ZHX2: variants seen among roughly 807,000 people sequenced by gnomAD.
ZHX2 encodes the protein zinc fingers and homeoboxes protein 2.
In ZHX2, 6 loss-of-function variants were observed where a neutral mutation model predicts 21.9. The observed-to-expected ratio is 0.27, with a 90% CI of 0.15 to 0.54. The LOEUF is 0.54. ZHX2 is among the 20% of genes least tolerant of loss of function. The pLI is 0.95. For missense variants in ZHX2, 908 were observed against 1,090.7 expected (o/e 0.83, Z 2.36); for synonymous variants, 434 against 437.1 (o/e 0.99, Z 0.09).
At chr8:122,922,588 G>T (rs1008460114) in intron 2 of ZHX2, among the ~76,000 whole-genome samples, 1 of 152,176 alleles carries the variant, frequency 6.6e-6, no homozygotes, top group African/African-American at 2.4e-5. Context: ...TGAATAACTA[G>T]GCTCCACTTT....
intron 2 of ZHX2, among the ~76,000 whole-genome samples, chr8:122,916,763 T>C (rs937562419): frequency 6.6e-6 from 1 of 152,152 alleles, no homozygotes; most frequent in Non-Finnish European, 1.5e-5. Flanking sequence ...TAACCTTTTC[T>C]TCCAGAGCCA....
chr8:122,869,529 G>C (rs1409857797), intron 2 of ZHX2, among the ~76,000 whole-genome samples: 1 of 152,110 alleles, frequency 6.6e-6, no homozygotes, highest in African/African-American at 2.4e-5. Flanking sequence ...CGTGGGGCTG[G>C]AGAGAAGGCC....
At chr8:122,824,468 C>T (rs1387623126) in intron 1 of ZHX2, among the ~76,000 whole-genome samples, 2 of 152,192 alleles carry the variant, frequency 1.3e-5, no homozygotes, top group Non-Finnish European at 2.9e-5. Flanking sequence ...TGCTCGGGGA[C>T]GTGCTGTTCT....
At chr8:122,935,537 T>TC (rs35227690) in intron 2 of ZHX2, among the ~76,000 whole-genome samples, 2 of 13,478 alleles carry the variant, frequency 1.5e-4, no homozygotes, top group Non-Finnish European at 4.9e-4. Context: ...TGAGAGTAAC[T>TC]TTTTTTTTTT....
rs1813104536 is a variant in ZHX2, at chr8:122,951,362, CT to C, written c.-148del. 1.5e-6 allele frequency: 1 copy of C among 686,694 alleles called. No individual in the cohort carries two copies. The highest frequency in any genetic ancestry group is 2.9e-5 in the Admixed American group (1 of 33,990). The allele number at this position is 686,694 out of a possible 1,614,324, so 42.5% of individuals were successfully genotyped here. A position where few individuals can be genotyped will look rare whatever the true frequency, so the allele number is the denominator to read the frequency against. ...TTCTGTGCTGAAATCATTCTGAAAA[CT>C]CAAACAGTAGACTTCAGCACACAAG... On this transcript the variant is annotated 5_prime_UTR_variant, in exon 3 of 4. Transcript: ENST00000314393.
chr8:122,800,758 C>CAG (rs112122226), intron 1 of ZHX2, among the ~76,000 whole-genome samples: 116 of 150,132 alleles, frequency 7.7e-4, no homozygotes, highest in Middle Eastern at 7.0e-3. Context: ...AGGCGGGGGG[C>CAG]AGAGAGAGAG....
At chr8:122,963,551 A>G (rs1011378199) in intron 3 of ZHX2, among the ~76,000 whole-genome samples, 2 of 152,194 alleles carry the variant, frequency 1.3e-5, no homozygotes, top group African/African-American at 4.8e-5. Flanking sequence ...GAAGTAAGGT[A>G]ATGTGATGCC....
chr8:122,931,232 C>T (rs1352452089), intron 2 of ZHX2, among the ~76,000 whole-genome samples: 1 of 152,222 alleles, frequency 6.6e-6, no homozygotes, highest in Non-Finnish European at 1.5e-5. Context: ...GGCTCCACGC[C>T]TGGCGCCTCC....
At chr8:122,971,605 C>T (rs1273246278) in intron 3 of ZHX2, among the ~76,000 whole-genome samples, 1 of 31,872 alleles carries the variant, frequency 3.1e-5, no homozygotes, top group African/African-American at 1.4e-4. Context: ...GCTGTTGGCC[C>T]CTGTACAAAA....
chr8:122,789,513 C>G (rs1244492255), intron 1 of ZHX2, among the ~76,000 whole-genome samples: 1 of 152,232 alleles, frequency 6.6e-6, no homozygotes, highest in African/African-American at 2.4e-5. Flanking sequence ...TGCACACAGC[C>G]TGGTCAGAGC....
intron 1 of ZHX2, among the ~76,000 whole-genome samples, chr8:122,861,162 G>A (rs1301079394): frequency 1.3e-5 from 2 of 152,056 alleles, no homozygotes; most frequent in Non-Finnish European, 2.9e-5. Context: ...TGAGCCAAGA[G>A]GAAGAACGTG....
chr8:122,818,575 G>C (rs1345416107), intron 1 of ZHX2, among the ~76,000 whole-genome samples: 1 of 152,170 alleles, frequency 6.6e-6, no homozygotes, highest in Non-Finnish European at 1.5e-5. Flanking sequence ...AAATGAGGGC[G>C]TATCTATATG....
At chr8:122,855,001 A>G (rs1200998538) in intron 1 of ZHX2, among the ~76,000 whole-genome samples, 2 of 152,312 alleles carry the variant, frequency 1.3e-5, no homozygotes, top group Admixed American at 6.5e-5. Context: ...TGTTGGATAC[A>G]TATTTCCGGA....
At chr8:122,906,450 G>A (rs765743621) in intron 2 of ZHX2, among the ~76,000 whole-genome samples, 3 of 152,154 alleles carry the variant, frequency 2.0e-5, no homozygotes, top group South Asian at 2.1e-4. Flanking sequence ...ATGGGGAATC[G>A]TAGCTGCGAC....
chr8:122,827,820 A>C (rs1818295238), intron 1 of ZHX2, among the ~76,000 whole-genome samples: 1 of 152,246 alleles, frequency 6.6e-6, no homozygotes, highest in South Asian at 2.1e-4. Flanking sequence ...GACAAGATGA[A>C]ATAGAGAAGA....
chr8:122,877,532 G>A (rs984966931), intron 2 of ZHX2, among the ~76,000 whole-genome samples: 21 of 152,154 alleles, frequency 1.4e-4, no homozygotes, highest in East Asian at 3.9e-4. Context: ...GTGGGTTTGC[G>A]GAACTTGTCC....
At chr8:122,848,324 C>T (rs915590287) in intron 1 of ZHX2, among the ~76,000 whole-genome samples, 18 of 152,064 alleles carry the variant, frequency 1.2e-4, no homozygotes, top group Admixed American at 3.3e-4. Context: ...CTGAAGAAGG[C>T]GAAGAAGGCA....
In ZHX2 at chr8:122,947,946, G is replaced by A. The variant is rs796873581; in HGVS notation, c.-219-3346G>A. On this transcript the variant is annotated intron_variant, in intron 2 of 3. Transcript: ENST00000314393. ...AAGATCATGGCAGGCGGAGGCTGGA[G>A]GTGGCGGTTTGGGCATGGTCAATAA... 1.2e-4 allele frequency among the ~76,000 whole-genome samples: 19 copies of A among 152,302 alleles called. 1 individual carries two copies. Among genetic ancestry groups the A allele is most frequent in the African/African-American group, 4.6e-4 (19 of 41,574 alleles).
intron 1 of ZHX2, among the ~76,000 whole-genome samples, chr8:122,810,740 A>C (rs1817909726): frequency 6.6e-6 from 1 of 151,452 alleles, no homozygotes; most frequent in South Asian, 2.1e-4. Context: ...CAAAATGGGC[A>C]CTCCAAGGAG....
Sources: gnomAD v4.1 joint callset for allele counts (sites outside exome capture counted in the v4.1 genomes callset) on GRCh38, gnomAD v4.1.1 for gene constraint, MANE v1.5 for transcripts, NCBI Gene and HGNC (gene_info 2026-07-23, HGNC 2026-07-21) for gene names.